Variants in TMEM132D observed in about 807,000 individuals in gnomAD.
TMEM132D encodes the protein transmembrane protein 132D, also known as mature OL transmembrane protein.
In TMEM132D, 21 loss-of-function variants were observed where a neutral mutation model predicts 62.3. That is an observed-to-expected ratio of 0.34 (90% confidence interval 0.24 to 0.49). The LOEUF (loss-of-function observed/expected upper bound fraction) is 0.49. Among genes scored for constraint, TMEM132D ranks in the 20% least tolerant of loss-of-function variants. The pLI is 0.99. For missense variants in TMEM132D, 1,346 were observed against 1,402.8 expected (o/e 0.96, Z 0.65); for synonymous variants, 621 against 575.6 (o/e 1.08, Z -1.13).
intron 2 of TMEM132D, among the ~76,000 whole-genome samples, chr12:129,671,412 T>C (rs1440319830): frequency 6.6e-6 from 1 of 152,130 alleles, no homozygotes; most frequent in Admixed American, 6.5e-5. Flanking sequence ...CATTTAAGAA[T>C]AAGTAAATAT....
chr12:129,820,762 A>G (rs1872522436), intron 1 of TMEM132D, among the ~76,000 whole-genome samples: 1 of 152,242 alleles, frequency 6.6e-6, no homozygotes, highest in African/African-American at 2.4e-5. Context: ...TTATTTTATT[A>G]TTTGTTTTTG....
intron 2 of TMEM132D, among the ~76,000 whole-genome samples, chr12:129,627,011 G>A (rs1158459464): frequency 6.6e-6 from 1 of 152,162 alleles, no homozygotes; most frequent in Admixed American, 6.5e-5. Flanking sequence ...ATGCAATGAA[G>A]AATTGGAAAA....
chr12:129,683,896 C>G (rs916871842), intron 2 of TMEM132D, among the ~76,000 whole-genome samples: 1 of 152,116 alleles, frequency 6.6e-6, no homozygotes, highest in Non-Finnish European at 1.5e-5. Flanking sequence ...GAACCAAGGG[C>G]CTTTTCCCCT....
intron 1 of TMEM132D, among the ~76,000 whole-genome samples, chr12:129,873,689 A>G (rs1361077188): frequency 2.0e-5 from 3 of 152,208 alleles, no homozygotes; most frequent in Non-Finnish European, 2.9e-5. Context: ...CAAATGCGCC[A>G]GAAGTAAAAC....
intron 5 of TMEM132D, among the ~76,000 whole-genome samples, chr12:129,165,432 AGTGTTGT>A (rs910249027): frequency 6.6e-6 from 1 of 152,250 alleles, no homozygotes; most frequent in African/African-American, 2.4e-5. Flanking sequence ...TTATATATAA[AGTGTTGT>A]GATGTCTGCA....
chr12:129,457,325 C>T (rs1043506631), intron 3 of TMEM132D, among the ~76,000 whole-genome samples: 21 of 150,270 alleles, frequency 1.4e-4, no homozygotes, highest in Admixed American at 1.1e-3. Flanking sequence ...TCATTCTCAG[C>T]AAACTATTGC....
intron 1 of TMEM132D, among the ~76,000 whole-genome samples, chr12:129,815,519 C>A (rs541758223): frequency 7.9e-5 from 12 of 152,188 alleles, no homozygotes; most frequent in African/African-American, 2.2e-4. Context: ...GCCACCCCCA[C>A]CCTGCAGGGG....
intron 3 of TMEM132D, among the ~76,000 whole-genome samples, chr12:129,352,456 C>T (rs1333323977): frequency 7.0e-6 from 1 of 143,206 alleles, no homozygotes; most frequent in Admixed American, 6.9e-5. Context: ...TTTTTTCTAG[C>T]ATCAGAGTGA....
At chr12:129,204,079 T>G (rs1878779189) in intron 5 of TMEM132D, among the ~76,000 whole-genome samples, 1 of 152,014 alleles carries the variant, frequency 6.6e-6, no homozygotes, top group African/African-American at 2.4e-5. Flanking sequence ...CCCACACAAA[T>G]GAGAAAGAGC....
At chr12:129,523,015 A>C (rs945631630) in intron 3 of TMEM132D, among the ~76,000 whole-genome samples, 2 of 152,290 alleles carry the variant, frequency 1.3e-5, no homozygotes, top group East Asian at 3.9e-4. Flanking sequence ...ATATAGATAC[A>C]GACATAGAAA....
chr12:129,245,953 C>T (rs372921553), intron 4 of TMEM132D, among the ~76,000 whole-genome samples: 1 of 152,198 alleles, frequency 6.6e-6, no homozygotes, highest in Non-Finnish European at 1.5e-5. Context: ...CTTGGGTACA[C>T]TTCTGGCATG....
At chr12:129,236,527 A>G (rs1566007194) in intron 4 of TMEM132D, among the ~76,000 whole-genome samples, 2 of 148,026 alleles carry the variant, frequency 1.4e-5, no homozygotes, top group African/African-American at 2.6e-5. Context: ...AAAAAAAAAA[A>G]AAAAGAAAAA....
At chr12:129,734,292 C>A (rs1033414730) in intron 1 of TMEM132D, among the ~76,000 whole-genome samples, 3 of 152,148 alleles carry the variant, frequency 2.0e-5, no homozygotes, top group Non-Finnish European at 2.9e-5. Context: ...CCAAAAGAAC[C>A]TTTTCCCTAT....
Position 129,634,191 on chromosome 12 carries a change from G to A in TMEM132D, c.968+65619C>T, listed in dbSNP as rs1030260925. 3.3e-5 allele frequency among the ~76,000 whole-genome samples: 5 copies of A among 152,228 alleles called. No homozygotes were observed. The East Asian group carries it at 9.7e-4, about 29-fold the overall frequency. On this transcript the variant is annotated intron_variant, in intron 2 of 8. Coordinates refer to ENST00000422113, the MANE Select transcript of TMEM132D (RefSeq NM_133448.3). ...CACTGGGTACTTAAGAAATTGTCCA[G>A]GCAGGACACGGTGGCTCACATCTGT...
rs1159902197 is a variant in TMEM132D at position 129,690,450 on chromosome 12, C to T, written c.968+9360G>A. The stretch of plus-strand genomic sequence containing the variant: ...CATGATTTGCCTATATGATATTTAC[C>T]AAAATTCCACTTTAGCTCAAAAGAC... On this transcript the variant is annotated intron_variant, in intron 2 of 8. Coordinates refer to ENST00000422113, the MANE Select transcript of TMEM132D (RefSeq NM_133448.3). Among the ~76,000 whole-genome samples the T allele has an allele frequency of 2.0e-5, 3 of 151,878 alleles. No individual in the cohort carries two copies. In the East Asian group the frequency reaches 5.8e-4, roughly 29 times the overall value.
intron 3 of TMEM132D, among the ~76,000 whole-genome samples, chr12:129,435,157 T>G (rs180716873): frequency 2.0e-5 from 3 of 152,240 alleles, no homozygotes; most frequent in African/African-American, 7.2e-5. Flanking sequence ...TATTCTTTTT[T>G]AATGGTGGAC....
chr12:129,392,816 T>G (rs947897067), intron 3 of TMEM132D, among the ~76,000 whole-genome samples: 4 of 152,142 alleles, frequency 2.6e-5, no homozygotes. Context: ...TATGGCAAAC[T>G]CGAATGTCTA....
intron 5 of TMEM132D, among the ~76,000 whole-genome samples, chr12:129,088,798 G>A (rs1215692793): frequency 2.2e-5 from 1 of 45,248 alleles, no homozygotes; most frequent in Non-Finnish European, 4.4e-5. Context: ...CTCCATGACC[G>A]GGTGTCCTCC....
At chr12:129,678,780 G>T (rs555207330) in intron 2 of TMEM132D, among the ~76,000 whole-genome samples, 1 of 151,982 alleles carries the variant, frequency 6.6e-6, no homozygotes, top group Non-Finnish European at 1.5e-5. Context: ...ATGCCCAATT[G>T]ATACGACATC....
Sources: gnomAD v4.1 joint callset for allele counts (sites outside exome capture counted in the v4.1 genomes callset) on GRCh38, gnomAD v4.1.1 for gene constraint, MANE v1.5 for transcripts, NCBI Gene and HGNC (gene_info 2026-07-23, HGNC 2026-07-21) for gene names.